TRIP12: variants seen among roughly 807,000 people sequenced by gnomAD.
The protein encoded by TRIP12 is E3 ubiquitin-protein ligase TRIP12.
In TRIP12, 25 loss-of-function variants were observed where a neutral mutation model predicts 244.2. That is an observed-to-expected ratio of 0.10 (90% CI 0.07 to 0.14). TRIP12 has a LOEUF of 0.14. Ranked by LOEUF, TRIP12 falls within the 10% of genes least tolerant of loss-of-function variation. The probability of loss-of-function intolerance (pLI) is 1.00; values close to 1 mark genes in which losing one functional copy is unlikely to be tolerated. For missense variants in TRIP12, 1,677 were observed against 2,486.4 expected (o/e 0.67, Z 6.92); for synonymous variants, 905 against 873.1 (o/e 1.04, Z -0.64).
At chr2:229,861,428 A>C (rs900154981) in intron 2 of TRIP12, among the ~76,000 whole-genome samples, 1 of 152,212 alleles carries the variant, frequency 6.6e-6, no homozygotes, top group African/African-American at 2.4e-5. Context: ...AATGTAACAA[A>C]TGCAATTTAT....
intron 1 of TRIP12, among the ~76,000 whole-genome samples, chr2:229,911,990 TGA>T (rs2074376772): frequency 6.6e-6 from 1 of 152,182 alleles, no homozygotes. Context: ...TACAAATTAC[TGA>T]GGACAACTCA....
chr2:229,782,080 TG>T (rs1160687341), intron 34 of TRIP12, among the ~76,000 whole-genome samples: 1 of 152,160 alleles, frequency 6.6e-6, no homozygotes, highest in Non-Finnish European at 1.5e-5. Context: ...AAAAATATGC[TG>T]AAGAAAGTGG....
At chr2:229,798,126 TTCC>T (rs2043264324) in intron 23 of TRIP12, among the ~76,000 whole-genome samples, 1 of 152,230 alleles carries the variant, frequency 6.6e-6, no homozygotes. Context: ...TTCCCTTTAC[TTCC>T]TAAAGTACAT....
chr2:229,922,237 C>A (rs909946266), upstream of TRIP12: 7 of 419,136 alleles, frequency 1.7e-5, no homozygotes, highest in African/African-American at 1.4e-4. Context: ...AGGAAGGGGA[C>A]TGTGGAGATC....
intron 2 of TRIP12, among the ~76,000 whole-genome samples, chr2:229,868,325 C>T (rs2061928761): frequency 6.6e-6 from 1 of 152,120 alleles, no homozygotes; most frequent in Admixed American, 6.5e-5. Flanking sequence ...CTTCACCCTC[C>T]CAAGTAGCTG....
chr2:229,874,426 G>A (rs373278967), intron 2 of TRIP12, among the ~76,000 whole-genome samples: 8 of 152,168 alleles, frequency 5.3e-5, no homozygotes, highest in Admixed American at 1.3e-4. Context: ...TCAAGAATTC[G>A]ACTTGATAAA....
intron 38 of TRIP12, among the ~76,000 whole-genome samples, chr2:229,773,287 G>A (rs2035112378): frequency 6.6e-6 from 1 of 152,088 alleles, no homozygotes; most frequent in African/African-American, 2.4e-5. Context: ...TGTTGGCCAG[G>A]CTGGTCTTGA....
intron 15 of TRIP12, among the ~76,000 whole-genome samples, chr2:229,810,131 G>A (rs549772905): frequency 1.0e-3 from 156 of 152,316 alleles, no homozygotes; most frequent in Non-Finnish European, 1.9e-3. Flanking sequence ...AGGCCAAGGC[G>A]GGAGGAAGGC....
At chr2:229,798,109 C>T (rs956542271) in intron 23 of TRIP12, among the ~76,000 whole-genome samples, 10 of 152,154 alleles carry the variant, frequency 6.6e-5, no homozygotes, top group Non-Finnish European at 1.3e-4. Context: ...TAACACTTTC[C>T]TAAGTGTTCC....
chr2:229,894,163 A>G (rs530687295), intron 1 of TRIP12, among the ~76,000 whole-genome samples: 1 of 152,218 alleles, frequency 6.6e-6, no homozygotes, highest in South Asian at 2.1e-4. Flanking sequence ...TCAAAAAAAA[A>G]AGTTTTCGTT....
chr2:229,868,274 T>C (rs527560323), intron 2 of TRIP12, among the ~76,000 whole-genome samples: 53 of 152,296 alleles, frequency 3.5e-4, no homozygotes, highest in African/African-American at 1.3e-3. Flanking sequence ...TAATCTTGGC[T>C]TACTGCAGCC....
At position 229,801,329 on chromosome 2, in the gene TRIP12, T is replaced by C. The variant is rs556100683; in HGVS notation, c.3206+923A>G. ...AAACTGCCAAAATTCATATTTAAGC[T>C]GGACTAGAAAACTGCCACCAGGTGG... On this transcript the variant is annotated intron_variant, in intron 21 of 41. Transcript: ENST00000675903. 4.7e-4 allele frequency among the ~76,000 whole-genome samples: 71 copies of C among 152,216 alleles called. 1 individual carries two copies. Among genetic ancestry groups the C allele is most frequent in the Non-Finnish European group, 8.2e-4 (56 of 68,036 alleles).
rs761569640 is a variant in TRIP12 at position 229,840,931 on chromosome 2, T to G, written c.1028-4A>C. On this transcript the variant is annotated splice_polypyrimidine_tract_variant and splice_region_variant and intron_variant, in intron 4 of 41. Transcript: ENST00000675903. ...TTCTTCGTAGATTTTCTTAAACCTA[T>G]CCACAGAAAATGGAAAAGTGTAATT... is the stretch of plus-strand genomic sequence containing the variant. 8.2e-6 allele frequency: 13 copies of G among 1,577,536 alleles called. No individual in the cohort carries two copies. In the African/African-American group the frequency reaches 1.7e-4, roughly 20 times the overall value.
intron 8 of TRIP12, among the ~76,000 whole-genome samples, chr2:229,828,681 G>C (rs2052424846): frequency 6.6e-6 from 1 of 152,082 alleles, no homozygotes; most frequent in Non-Finnish European, 1.5e-5. Context: ...TGAGGTGGGA[G>C]GACTGGACCC....
intron 30 of TRIP12, among the ~76,000 whole-genome samples, chr2:229,790,355 C>T (rs1304789401): frequency 2.6e-5 from 4 of 152,152 alleles, no homozygotes; most frequent in Admixed American, 1.3e-4. Flanking sequence ...AATCATACCA[C>T]CATCATTTCA....
chr2:229,907,803 GA>G (rs1375037749), intron 1 of TRIP12, among the ~76,000 whole-genome samples: 1 of 151,628 alleles, frequency 6.6e-6, no homozygotes, highest in Non-Finnish European at 1.5e-5. Flanking sequence ...CTTATCTCTA[GA>G]AAAAAATAAC....
chr2:229,808,159 G>C, intron 16 of TRIP12, 93 bp downstream of exon 16: 2 of 952,470 alleles, frequency 2.1e-6, no homozygotes, highest in Non-Finnish European at 3.3e-6. Flanking sequence ...GTAGAGACGG[G>C]TTTTCATCAT....
chr2:229,848,202 T>TA (rs2057965429), intron 4 of TRIP12, among the ~76,000 whole-genome samples: 1 of 152,090 alleles, frequency 6.6e-6, no homozygotes, highest in South Asian at 2.1e-4. Flanking sequence ...GCTTATAAAT[T>TA]AGACTTTTGG....
intron 1 of TRIP12, among the ~76,000 whole-genome samples, chr2:229,913,995 C>T (rs1387073496): frequency 2.6e-5 from 4 of 152,036 alleles, no homozygotes; most frequent in African/African-American, 7.3e-5. Context: ...AGGCCAGGCG[C>T]GGTGGCTCAC....
Sources: gnomAD v4.1 joint callset for allele counts (sites outside exome capture counted in the v4.1 genomes callset) on GRCh38, gnomAD v4.1.1 for gene constraint, MANE v1.5 for transcripts, NCBI Gene and HGNC (gene_info 2026-07-23, HGNC 2026-07-21) for gene names.